MGAM: variants seen among roughly 807,000 people sequenced by gnomAD.
MGAM encodes alpha-1,4-glucosidase.
In MGAM, 253 loss-of-function variants were observed where a neutral mutation model predicts 358.8. That is an observed-to-expected ratio of 0.71 (90% CI 0.64 to 0.78). The LOEUF (loss-of-function observed/expected upper bound fraction) is 0.78. MGAM is among the 30% of genes least tolerant of loss of function. MGAM has a pLI of 0.00. For missense variants in MGAM, 3,080 were observed against 3,432.6 expected (o/e 0.90, Z 2.57); for synonymous variants, 1,105 against 1,227.1 (o/e 0.90, Z 2.08).
intron 66 of MGAM, among the ~76,000 whole-genome samples, chr7:142,098,198 A>G (rs1585111822): frequency 7.8e-6 from 1 of 127,422 alleles, no homozygotes; most frequent in African/African-American, 2.7e-5. Context: ...AAGCAGTGCA[A>G]GTGCATTTAG....
chr7:142,057,650 T>A (rs1014378597), intron 30 of MGAM, among the ~76,000 whole-genome samples: 1 of 151,576 alleles, frequency 6.6e-6, no homozygotes, highest in African/African-American at 2.4e-5. Flanking sequence ...AAAATAGTGA[T>A]GATGGTGGTG....
upstream of MGAM, among the ~76,000 whole-genome samples, chr7:141,993,167 GGTT>G (rs1554447705): frequency 9.2e-5 from 14 of 152,114 alleles, no homozygotes; most frequent in Non-Finnish European, 1.6e-4. Context: ...TGATATACAT[GGTT>G]TATAAATTTA....
In MGAM at chr7:142,066,640, A is replaced by G; in HGVS notation, c.4838A>G (p.Tyr1613Cys). 1.3e-6 allele frequency: 2 copies of G among 1,556,030 alleles called. 1 individual carries two copies. Among genetic ancestry groups the G allele is most frequent in the South Asian group, 2.2e-5 (2 of 89,148 alleles). ...NISRNVLQTR[Y>C]TLLPYLYTLM... ...TCCAGAAATGTCCTGCAGACCAGAT[A>G]CACCCTGTTGCCATATCTGTATACC... The change falls in exon 41 of 71, where the codon TAC (tyrosine) becomes TGC (cysteine). Residue 1613 changes from tyrosine to cysteine, a missense_variant. Coordinates refer to ENST00000475668, the MANE Select transcript of MGAM (RefSeq NM_001365693.1).
In MGAM at chr7:142,094,766, G is replaced by T. The variant is rs1366814643; in HGVS notation, c.7361G>T (p.Gly2454Val). 6.2e-7 allele frequency: 1 copy of T among 1,613,594 alleles called. No individual in the cohort carries two copies. Among genetic ancestry groups the T allele is most frequent in the East Asian group, 2.2e-5 (1 of 44,878 alleles). The part of the protein sequence containing the change: ...GISYTGADIC[G>V]FFQDAEYEMC... ...TTTCAGACGGGAGCAGATATCTGTG[G>T]GTTCTTTCAAGATGCTGAATATGAG... The change falls in exon 63 of 71, where the codon GGG becomes GTG. Residue 2454 changes from glycine (G) to valine (V), a missense_variant. Gly to Val is a moderately radical substitution (Grantham distance 109). Coordinates refer to ENST00000475668, the MANE Select transcript of MGAM (RefSeq NM_001365693.1).
chr7:142,042,159 C>T lies in MGAM; in HGVS notation c.2498+1313C>T, dbSNP rs867723870. On this transcript the variant is annotated intron_variant, in intron 21 of 70. Transcript: ENST00000475668. ...TAATATATAACATATAATATATATA[C>T]ATATAATATATAATATATAACATAT... is the stretch of plus-strand genomic sequence containing the variant. 3.0e-3 allele frequency among the ~76,000 whole-genome samples: 94 copies of T among 31,226 alleles called. 1 individual carries two copies. The highest frequency in any genetic ancestry group is 0.015 in the African/African-American group (84 of 5,432). 20.5% of individuals were successfully genotyped at this position (31,226 alleles called of 152,430 possible). A position where few individuals can be genotyped will look rare whatever the true frequency, so the allele number is the denominator to read the frequency against.
chr7:142,086,741 G>A, intron 57 of MGAM, 24 bp downstream of exon 57: 1 of 1,065,204 alleles, frequency 9.4e-7, no homozygotes, highest in Non-Finnish European at 1.3e-6. Flanking sequence ...GTAAATTTGG[G>A]TGGAGTCAGG....
In MGAM at chr7:142,101,968, A is replaced by G. The variant is rs79539465; in HGVS notation, c.7964-662A>G. ...GTGAAAGAAAAAGAAAGGGGCCAGC[A>G]CACAGGAAAGAGTGTGACAGCCACG... On this transcript the variant is annotated intron_variant, in intron 68 of 70. Coordinates refer to ENST00000475668, the MANE Select transcript of MGAM (RefSeq NM_001365693.1). 8.1e-3 allele frequency among the ~76,000 whole-genome samples: 1,228 copies of G among 152,064 alleles called. 32 individuals carry two copies. The highest frequency in any genetic ancestry group is 0.031 in the East Asian group (159 of 5,168).
Position 142,073,243 on chromosome 7 carries a change from C to G in MGAM, c.5187-842C>G, listed in dbSNP as rs1319616428. Reference sequence around the variant, plus strand: ...TTTATTAATTTTTGTATCTCATTGACTTCCTAGAAATGACTGCTACTCAAT... The same window carrying G: ...TTTATTAATTTTTGTATCTCATTGAGTTCCTAGAAATGACTGCTACTCAAT... On this transcript the variant is annotated intron_variant, in intron 44 of 70. Coordinates refer to ENST00000475668, the MANE Select transcript of MGAM (RefSeq NM_001365693.1). Among the ~76,000 whole-genome samples the G allele has an allele frequency of 3.4e-5, 5 of 146,084 alleles. 2 individuals are homozygous for G. The highest frequency in any genetic ancestry group is 4.6e-5 in the Non-Finnish European group (3 of 64,572).
intron 1 of MGAM, among the ~76,000 whole-genome samples, chr7:142,005,140 CA>C (rs1394800424): frequency 6.6e-6 from 1 of 151,828 alleles, no homozygotes; most frequent in Non-Finnish European, 1.5e-5. Context: ...GAGAGCAGAA[CA>C]AATTATAAAA....
intron 65 of MGAM, 85 bp from the exon 66 acceptor site, chr7:142,097,508 T>C: frequency 7.4e-7 from 1 of 1,359,832 alleles, no homozygotes; most frequent in Non-Finnish European, 1.0e-6. Context: ...GCCATCACAA[T>C]TATTTAACCT....
Position 142,061,079 on chromosome 7 carries a change from A to C in MGAM, c.4122+706A>C, listed in dbSNP as rs564291095. Among the ~76,000 whole-genome samples the C allele has an allele frequency of 4.6e-5, 7 of 152,300 alleles. No individual in the cohort carries two copies. The South Asian group carries it at 1.5e-3, about 32-fold the overall frequency. ...ATGGCTCCTTACAGGAGAGTGGAGAAAGTGAAGGCAGAAGCCACAAGGCAA... is the reference window on the plus strand; with the variant it reads ...ATGGCTCCTTACAGGAGAGTGGAGACAGTGAAGGCAGAAGCCACAAGGCAA... On this transcript the variant is annotated intron_variant, in intron 34 of 70. Coordinates refer to ENST00000475668, the MANE Select transcript of MGAM (RefSeq NM_001365693.1).
chr7:142,066,368 T>A (rs1187838009), intron 40 of MGAM, among the ~76,000 whole-genome samples: 1 of 146,344 alleles, frequency 6.8e-6, no homozygotes, highest in Non-Finnish European at 1.5e-5. Context: ...CCAAAAAGAA[T>A]GTCTTACAGT....
intron 51 of MGAM, 112 bp from the exon 52 acceptor site, chr7:142,082,363 A>T (rs1269804898): frequency 7.8e-7 from 1 of 1,279,252 alleles, no homozygotes; most frequent in Non-Finnish European, 1.1e-6. Context: ...CATGTGTTTA[A>T]TTGATTTCAT....
At chr7:142,010,908 G>A (rs1554454126) in intron 3 of MGAM, among the ~76,000 whole-genome samples, 2 of 152,092 alleles carry the variant, frequency 1.3e-5, no homozygotes. Flanking sequence ...CCCAATTCCA[G>A]AACGCAGAGT....
chr7:142,008,210 A>C (rs1343269524), intron 2 of MGAM, among the ~76,000 whole-genome samples: 1 of 152,190 alleles, frequency 6.6e-6, no homozygotes, highest in Non-Finnish European at 1.5e-5. Context: ...CCCTAGACTA[A>C]AGGAAGGGTG....
At chr7:142,014,197 G>A (rs1270828530) in intron 3 of MGAM, among the ~76,000 whole-genome samples, 2 of 152,192 alleles carry the variant, frequency 1.3e-5, no homozygotes, top group Non-Finnish European at 2.9e-5. Context: ...ATAGTAAAAT[G>A]TGTTTGACAC....
rs919382645 is a variant in MGAM, at chr7:142,005,570, A to G, written c.40A>G (p.Ile14Val). 1.3e-6 allele frequency: 2 copies of G among 1,579,156 alleles called. No individual in the cohort carries two copies. The highest frequency in any genetic ancestry group is 8.6e-7 in the Non-Finnish European group (1 of 1,163,990). The change falls in exon 2 of 71, where the codon ATT (isoleucine) becomes GTT (valine). Residue 14 changes from isoleucine (I) to valine (V), a missense_variant. This residue lies in a region of MGAM where 1,816 missense variants were observed against 1,840.5 expected (regional missense o/e 0.99). Transcript: ENST00000475668. ...GCTGAAAAAATTTACTACTTTGGAG[A>G]TTGTGCTCAGTGTTCTTCTGCTTGT... ...KKLKKFTTLE[I>V]VLSVLLLVLF...
At position 142,064,454 on chromosome 7, in the gene MGAM, C is replaced by T. The variant is rs751737247; in HGVS notation, c.4416C>T (p.Asp1472=). The part of the protein sequence containing the change: ...LCMESQQILP[D]GSLVQHYNVH... ...TGGAGAGTCAGCAGATCCTCCCAGA[C>T]GGCTCCCTGGTGCAGCACTACAACG... is the stretch of plus-strand genomic sequence containing the variant. The change falls in exon 37 of 71, where the codon GAC becomes GAT. Residue 1472 remains aspartate (D), a synonymous_variant. Coordinates refer to ENST00000475668, the MANE Select transcript of MGAM (RefSeq NM_001365693.1). 4.9e-5 allele frequency: 78 copies of T among 1,598,760 alleles called. No homozygotes were observed. Among genetic ancestry groups the T allele is most frequent in the Non-Finnish European group, 5.9e-5 (69 of 1,172,786 alleles).
At chr7:142,041,933 ATATATTATATATATACATATATATAAT>A (rs1808686445) in intron 21 of MGAM, among the ~76,000 whole-genome samples, 4 of 22,980 alleles carry the variant, frequency 1.7e-4, no homozygotes, top group African/African-American at 1.1e-3. Context: ...TATATAATAT[ATATATTATATATATACATATATATAAT>A]ATATATATAT....
Sources: allele counts gnomAD v4.1 joint callset (sites outside exome capture counted in the v4.1 genomes callset), GRCh38; gene constraint gnomAD v4.1.1; regional missense constraint gnomAD v4.1.1; transcripts MANE v1.5; gene names NCBI Gene and HGNC (gene_info 2026-07-23, HGNC 2026-07-21).